The following PTPRT variants were observed in gnomAD, a reference collection of about 807,000 sequenced individuals.
PTPRT encodes protein tyrosine phosphatase receptor type T, also known as receptor-type tyrosine-protein phosphatase T.
A neutral mutation model predicts 176.8 loss-of-function variants in PTPRT; 56 were observed. That is an observed-to-expected ratio of 0.32 (90% CI 0.26 to 0.40). PTPRT has a LOEUF of 0.40. PTPRT is among the 10% of genes least tolerant of loss of function. PTPRT has a pLI of 1.00. For missense variants in PTPRT, 1,540 were observed against 1,908.2 expected (o/e 0.81, Z 3.60); for synonymous variants, 783 against 739.0 (o/e 1.06, Z -0.96).
Position 42,567,278 on chromosome 20 carries a change from C to CAA in PTPRT, c.1154-94718_1154-94717dup, listed in dbSNP as rs111570407. 4.4e-3 allele frequency among the ~76,000 whole-genome samples: 564 copies of CAA among 129,242 alleles called. 5 individuals are homozygous for CAA. The highest frequency in any genetic ancestry group is 0.016 in the African/African-American group (543 of 34,106). The allele number at this position is 129,242 out of a possible 152,430, so 84.8% of individuals were successfully genotyped here. A position where few individuals can be genotyped will look rare whatever the true frequency, so the allele number is the denominator to read the frequency against. On this transcript the variant is annotated intron_variant, in intron 7 of 30. Transcript: ENST00000373187. ...AACAAGAGTGAAACTCCATCTCAAA[C>CAA]AAAAAAAAATAAAAGAGAGAGAGAG... is the stretch of plus-strand genomic sequence containing the variant.
intron 1 of PTPRT, among the ~76,000 whole-genome samples, chr20:43,018,345 C>T (rs951553370): frequency 1.3e-5 from 2 of 152,108 alleles, no homozygotes; most frequent in African/African-American, 4.8e-5. Flanking sequence ...CCAGATTACA[C>T]CAAACTCAGA....
chr20:42,337,869 T>C (rs1157096099), intron 11 of PTPRT, among the ~76,000 whole-genome samples: 1 of 152,184 alleles, frequency 6.6e-6, no homozygotes, highest in Non-Finnish European at 1.5e-5. Context: ...GGGTTCCTTA[T>C]CTGCCTTGGT....
At chr20:42,235,940 A>T (rs2056232792) in intron 15 of PTPRT, among the ~76,000 whole-genome samples, 1 of 152,212 alleles carries the variant, frequency 6.6e-6, no homozygotes, top group Non-Finnish European at 1.5e-5. Flanking sequence ...GCTTGATGGA[A>T]TTCAGGGATT....
rs374577066 is a variant in PTPRT at position 42,110,530 on chromosome 20, G to A, written c.3100-43C>T. ...CTCTGTTCTTCCAGCTGCTGCCCTC[G>A]CATACCCAGCCCAGCAACACGTGGA... On this transcript the variant is annotated intron_variant, in intron 22 of 30. Transcript: ENST00000373187. 2.8e-5 allele frequency: 44 copies of A among 1,544,840 alleles called. No individual in the cohort carries two copies. In the African/African-American group the frequency reaches 4.5e-4, roughly 16 times the overall value.
chr20:42,413,626 G>A (rs1291195412), intron 9 of PTPRT, among the ~76,000 whole-genome samples: 2 of 152,132 alleles, frequency 1.3e-5, no homozygotes, highest in African/African-American at 4.8e-5. Flanking sequence ...TTCAATATTA[G>A]AAAATGTGCA....
At chr20:42,384,341 C>T (rs1487888979) in intron 9 of PTPRT, among the ~76,000 whole-genome samples, 3 of 152,134 alleles carry the variant, frequency 2.0e-5, no homozygotes, top group Non-Finnish European at 2.9e-5. Context: ...AAAGAAGTGA[C>T]GGCAGTGGGG....
intron 7 of PTPRT, among the ~76,000 whole-genome samples, chr20:42,499,358 C>T (rs945474597): frequency 6.6e-6 from 1 of 150,870 alleles, no homozygotes; most frequent in Admixed American, 6.6e-5. Flanking sequence ...ATGGCACAAT[C>T]TCAGCTCACT....
At chr20:42,896,687 A>G (rs1408107331) in intron 1 of PTPRT, among the ~76,000 whole-genome samples, 1 of 152,036 alleles carries the variant, frequency 6.6e-6, no homozygotes, top group East Asian at 1.9e-4. Flanking sequence ...CAGAGCATTA[A>G]ACCAAGCACG....
At chr20:42,168,161 TGAGGAGGAG>T (rs34120918) in intron 16 of PTPRT, among the ~76,000 whole-genome samples, 12 of 151,196 alleles carry the variant, frequency 7.9e-5, no homozygotes, top group East Asian at 2.0e-4. Context: ...TTGAGTAGAC[TGAGGAGGAG>T]GAGGAGGAGG....
At chr20:42,081,694 A>G (rs1423087369) in intron 30 of PTPRT, among the ~76,000 whole-genome samples, 188 bp downstream of exon 30, 7 of 152,244 alleles carry the variant, frequency 4.6e-5, no homozygotes, top group Non-Finnish European at 8.8e-5. Flanking sequence ...TTTTCCTGCA[A>G]GAAAGAAAAG....
At chr20:42,785,206 T>C (rs1052112778) in intron 3 of PTPRT, among the ~76,000 whole-genome samples, 9 of 152,130 alleles carry the variant, frequency 5.9e-5, no homozygotes, top group African/African-American at 1.9e-4. Flanking sequence ...TGTCGGGAGA[T>C]GGCTGGCAGA....
intron 7 of PTPRT, among the ~76,000 whole-genome samples, chr20:42,566,022 T>A (rs1037951522): frequency 6.6e-6 from 1 of 152,026 alleles, no homozygotes; most frequent in African/African-American, 2.4e-5. Flanking sequence ...AGCTAGAGAG[T>A]ATATTTCCTA....
intron 11 of PTPRT, among the ~76,000 whole-genome samples, chr20:42,331,285 C>A (rs2057960393): frequency 6.6e-6 from 1 of 152,082 alleles, no homozygotes; most frequent in African/African-American, 2.4e-5. Flanking sequence ...CGATTAGAAC[C>A]CACAGCAATG....
intron 17 of PTPRT, among the ~76,000 whole-genome samples, chr20:42,150,123 C>T (rs185747701): frequency 6.6e-6 from 1 of 152,306 alleles, no homozygotes; most frequent in African/African-American, 2.4e-5. Context: ...AGAAGCTTGC[C>T]ATCCTTCTTT....
intron 7 of PTPRT, among the ~76,000 whole-genome samples, chr20:42,649,279 C>T (rs1009545256): frequency 2.6e-5 from 4 of 152,074 alleles, no homozygotes; most frequent in South Asian, 4.2e-4. Flanking sequence ...CATCAGATCT[C>T]GTGAGGCTTA....
chr20:42,062,453 A>C, the PTPRT span, among the ~76,000 whole-genome samples: 2 of 152,186 alleles, frequency 1.3e-5, no homozygotes, highest in Non-Finnish European at 2.9e-5. Context: ...TAAAGGTTGA[A>C]AGATGCCGTT....
intron 2 of PTPRT, among the ~76,000 whole-genome samples, chr20:42,849,601 T>A (rs1322238219): frequency 6.6e-6 from 1 of 152,156 alleles, no homozygotes; most frequent in East Asian, 1.9e-4. Flanking sequence ...GCATCAGCCC[T>A]GGGGGCCACA....
chr20:42,205,990 G>A (rs966768888), intron 15 of PTPRT, among the ~76,000 whole-genome samples: 3 of 152,116 alleles, frequency 2.0e-5, no homozygotes, highest in Non-Finnish European at 4.4e-5. Context: ...ACTGAGGCCT[G>A]GACAGAGTAG....
intron 2 of PTPRT, among the ~76,000 whole-genome samples, chr20:42,802,823 G>A (rs770633398): frequency 7.9e-5 from 12 of 152,192 alleles, no homozygotes; most frequent in African/African-American, 2.4e-4. Context: ...AGCTCTGTCA[G>A]CTCTCAGCTG....
Sources: gnomAD v4.1 joint callset for allele counts (sites outside exome capture counted in the v4.1 genomes callset) on GRCh38, gnomAD v4.1.1 for gene constraint, MANE v1.5 for transcripts, NCBI Gene and HGNC (gene_info 2026-07-23, HGNC 2026-07-21) for gene names.